ENTHD1: variants seen among roughly 807,000 people sequenced by gnomAD.
The protein encoded by ENTHD1 is ENTH domain containing 1.
ENTHD1 carries 23 observed loss-of-function variants against 39.1 expected under a neutral mutation model. That is an observed-to-expected ratio of 0.59 (90% confidence interval 0.42 to 0.83). The LOEUF is 0.83. ENTHD1 is among the 40% of genes least tolerant of loss of function. The pLI is 0.00. For missense variants in ENTHD1, 624 were observed against 705.4 expected (o/e 0.88, Z 1.31); for synonymous variants, 230 against 258.2 (o/e 0.89, Z 1.05).
chr22:39,760,082 TAAAAAA>T (rs896985268), intron 6 of ENTHD1, among the ~76,000 whole-genome samples: 4 of 151,954 alleles, frequency 2.6e-5, no homozygotes, highest in African/African-American at 9.6e-5. Context: ...AAAAGAATGT[TAAAAAA>T]AAGAAAAATA....
intron 5 of ENTHD1, among the ~76,000 whole-genome samples, chr22:39,804,452 CAAAAAAAAA>C (rs541007024): frequency 1.3e-5 from 1 of 78,062 alleles, no homozygotes; most frequent in African/African-American, 4.6e-5. Context: ...GACTCTGTCT[CAAAAAAAAA>C]AAAAAAAAAA....
At chr22:39,877,817 A>C (rs1447924972) in intron 2 of ENTHD1, among the ~76,000 whole-genome samples, 1 of 152,202 alleles carries the variant, frequency 6.6e-6, no homozygotes, top group East Asian at 1.9e-4. Context: ...ACTGATCTGG[A>C]AGATCAGTAA....
intron 6 of ENTHD1, among the ~76,000 whole-genome samples, chr22:39,755,140 G>C (rs2065175225): frequency 6.6e-6 from 1 of 152,132 alleles, no homozygotes; most frequent in South Asian, 2.1e-4. Context: ...CATTTCAGTT[G>C]GGAAGAAATA....
At chr22:39,765,105 G>A (rs1044127611) in intron 6 of ENTHD1, 118 bp downstream of exon 6, 3 of 1,413,922 alleles carry the variant, frequency 2.1e-6, no homozygotes, top group Non-Finnish European at 2.8e-6. Flanking sequence ...GATGAAGAGT[G>A]AAAGGAGGGA....
At chr22:39,885,810 G>A (rs1027854597) in intron 2 of ENTHD1, among the ~76,000 whole-genome samples, 1 of 152,148 alleles carries the variant, frequency 6.6e-6, no homozygotes, top group African/African-American at 2.4e-5. Flanking sequence ...TTGGTGGAAC[G>A]GGAATGGGGA....
intron 6 of ENTHD1, among the ~76,000 whole-genome samples, chr22:39,764,858 A>G (rs1022418931): frequency 5.3e-5 from 8 of 151,974 alleles, no homozygotes; most frequent in African/African-American, 1.9e-4. Flanking sequence ...ATACACCAAT[A>G]CACATAATAA....
At chr22:39,756,316 T>TCTCTCTCTCTCTCTCTCACA (rs1433242336) in intron 6 of ENTHD1, among the ~76,000 whole-genome samples, 1 of 138,096 alleles carries the variant, frequency 7.2e-6, no homozygotes, top group African/African-American at 2.8e-5. Flanking sequence ...TCTCTCTCTC[T>TCTCTCTCTCTCTCTCTCACA]CACACACACA....
chr22:39,879,306 A>G (rs983939773), intron 2 of ENTHD1, among the ~76,000 whole-genome samples: 10 of 150,952 alleles, frequency 6.6e-5, no homozygotes, highest in Non-Finnish European at 1.2e-4. Context: ...ACTAAAAAAT[A>G]AAAAAAATTA....
At chr22:39,880,287 G>A (rs1207350001) in intron 2 of ENTHD1, among the ~76,000 whole-genome samples, 1 of 152,182 alleles carries the variant, frequency 6.6e-6, no homozygotes, top group East Asian at 1.9e-4. Flanking sequence ...AAAAATTATG[G>A]AGACAGTGAA....
Position 39,820,900 on chromosome 22 carries a change from C to A in ENTHD1, c.832+93G>T, listed in dbSNP as rs1225431529. 4 of 1,377,306 alleles carry A rather than the reference C, an allele frequency of 2.9e-6. No individual in the cohort carries two copies. In the African/African-American group the frequency reaches 5.8e-5, roughly 20 times the overall value. 85.3% of individuals were successfully genotyped at this position (1,377,306 alleles called of 1,614,324 possible). On this transcript the variant is annotated intron_variant, in intron 5 of 6. Coordinates refer to ENST00000325157, the MANE Select transcript of ENTHD1 (RefSeq NM_152512.4). ...TTGAATTTATCCATGCTAGTTCTGT[C>A]CCTCATTAACAAAGTTAAATAGAAG...
chr22:39,774,387 C>T (rs1601585479), intron 5 of ENTHD1, among the ~76,000 whole-genome samples: 2 of 152,152 alleles, frequency 1.3e-5, no homozygotes, highest in Admixed American at 6.5e-5. Flanking sequence ...TGAACCCTGA[C>T]CTCTGCTGAT....
intron 2 of ENTHD1, chr22:39,874,153 T>C (rs1258037619): frequency 6.6e-6 from 1 of 152,128 alleles, no homozygotes; most frequent in Non-Finnish European, 1.5e-5. Context: ...ACAAAAGACC[T>C]GCCCCCATGA....
intron 3 of ENTHD1, among the ~76,000 whole-genome samples, chr22:39,845,749 T>A (rs937771971): frequency 6.6e-6 from 1 of 152,254 alleles, no homozygotes; most frequent in African/African-American, 2.4e-5. Flanking sequence ...GAAATGATTT[T>A]CATATTTGCT....
At chr22:39,770,997 C>A (rs1004911732) in intron 5 of ENTHD1, among the ~76,000 whole-genome samples, 1 of 152,174 alleles carries the variant, frequency 6.6e-6, no homozygotes, top group Admixed American at 6.5e-5. Flanking sequence ...CTTCTTTGAG[C>A]ATGATGTTTG....
intron 6 of ENTHD1, 84 bp downstream of exon 6, chr22:39,765,139 G>C (rs918010929): frequency 2.6e-5 from 37 of 1,442,324 alleles, no homozygotes; most frequent in Non-Finnish European, 3.3e-5. Context: ...ACAGAAAGCA[G>C]AGAAAAGTAA....
Position 39,861,848 on chromosome 22 carries a change from G to A in ENTHD1, c.509C>T (p.Ala170Val), listed in dbSNP as rs749246538. ...RQLGSSNSLT[A>V]CTSAPTPDIS... ...ATCCGGTGTGGGGGCAGAAGTGCAC[G>A]CTGTCAGTGAGTTACTTGAACCAAG... The change falls in exon 3 of 7, where the codon GCG (alanine) becomes GTG (valine). Residue 170 changes from alanine (A) to valine (V), a missense_variant. By Grantham distance (64) the Ala-to-Val change is moderately conservative. Transcript: ENST00000325157. 77 of 1,603,512 alleles carry A rather than the reference G, an allele frequency of 4.8e-5. No individual in the cohort carries two copies. Among genetic ancestry groups the A allele is most frequent in the Non-Finnish European group, 6.1e-5 (71 of 1,173,096 alleles).
chr22:39,780,822 C>A (rs187901704), intron 5 of ENTHD1, among the ~76,000 whole-genome samples: 3 of 152,038 alleles, frequency 2.0e-5, no homozygotes, highest in African/African-American at 7.2e-5. Context: ...CACAGTGAAA[C>A]CCCGTCTCTA....
At chr22:39,859,072 T>C (rs955710443) in intron 3 of ENTHD1, among the ~76,000 whole-genome samples, 1 of 152,232 alleles carries the variant, frequency 6.6e-6, no homozygotes, top group African/African-American at 2.4e-5. Flanking sequence ...TTTGTACTTG[T>C]GTGTTATGGT....
intron 3 of ENTHD1, among the ~76,000 whole-genome samples, chr22:39,860,087 T>C (rs1340727422): frequency 1.3e-5 from 2 of 152,184 alleles, no homozygotes; most frequent in Non-Finnish European, 2.9e-5. Context: ...ATCTGACATA[T>C]TTTATGCTTG....
Sources: allele counts gnomAD v4.1 joint callset (sites outside exome capture counted in the v4.1 genomes callset), GRCh38; gene constraint gnomAD v4.1.1; transcripts MANE v1.5; gene names NCBI Gene and HGNC (gene_info 2026-07-23, HGNC 2026-07-21).